Variants in DCDC1 observed in about 807,000 individuals in gnomAD.
DCDC1 encodes the protein doublecortin domain-containing protein 1.
In DCDC1, 200 loss-of-function variants were observed where a neutral mutation model predicts 178.3. The ratio of observed to expected loss-of-function variants is 1.12; its 90% CI spans 1.00 to 1.26. The LOEUF (loss-of-function observed/expected upper bound fraction) is 1.26. Among genes scored for constraint, DCDC1 ranks in the 50% most tolerant of loss-of-function variants. DCDC1 has a pLI of 0.00. For synonymous variants in DCDC1, 690 were observed against 604.8 expected, an observed-to-expected ratio of 1.14 and a Z score of -2.07; for missense variants, 1,983 against 1,749.2, an observed-to-expected ratio of 1.13 and a Z score of -2.38.
At chr11:31,222,813 C>T (rs1974430777) in intron 9 of DCDC1, among the ~76,000 whole-genome samples, 1 of 152,078 alleles carries the variant, frequency 6.6e-6, no homozygotes, top group Non-Finnish European at 1.5e-5. Flanking sequence ...CCCTTATGAC[C>T]TCATTTAACA....
chr11:31,303,613 T>G (rs1352293839), intron 6 of DCDC1, among the ~76,000 whole-genome samples: 1 of 152,162 alleles, frequency 6.6e-6, no homozygotes, highest in African/African-American at 2.4e-5. Flanking sequence ...AAGTTAAATA[T>G]TATCTTTCAT....
At position 30,903,674 on chromosome 11, in the gene DCDC1, C is replaced by T. The variant is rs772581174; in HGVS notation, c.4318G>A (p.Glu1440Lys). The part of the protein sequence containing the change: ...VAGTFPMLLT[E>K]CTEQLGLARA... The stretch of plus-strand genomic sequence containing the variant: ...GCAAGCCCAAGTTGTTCCGTGCATT[C>T]TGTAAGAAGCTAGATAACACAGGCA... The change falls in exon 32 of 39, where the codon GAA becomes AAA. Residue 1440 changes from glutamate to lysine, a missense_variant. Physicochemically the swap from Glu to Lys is moderately conservative, Grantham distance 56. Transcript: ENST00000684477. The T allele has an allele frequency of 6.3e-7, 1 of 1,598,454 alleles. No individual in the cohort carries two copies. Among genetic ancestry groups the T allele is most frequent in the Non-Finnish European group, 8.5e-7 (1 of 1,171,552 alleles).
intron 3 of DCDC1, among the ~76,000 whole-genome samples, chr11:31,326,357 C>T (rs755288177): frequency 1.4e-5 from 2 of 145,386 alleles, no homozygotes; most frequent in Non-Finnish European, 3.1e-5. Flanking sequence ...AGTGAAAATA[C>T]GTTTAGCTTT....
intron 20 of DCDC1, among the ~76,000 whole-genome samples, chr11:31,005,782 C>T (rs901203375): frequency 3.3e-5 from 5 of 151,694 alleles, no homozygotes; most frequent in African/African-American, 1.2e-4. Context: ...GATATAAATA[C>T]CTACAAAAAC....
chr11:31,329,099 C>T (rs1243947412), intron 2 of DCDC1, among the ~76,000 whole-genome samples: 1 of 151,718 alleles, frequency 6.6e-6, no homozygotes, highest in Non-Finnish European at 1.5e-5. Context: ...ATCAAAATGC[C>T]CTATTCTCCC....
At chr11:31,190,529 A>G (rs1313509038) in intron 9 of DCDC1, among the ~76,000 whole-genome samples, 1 of 152,132 alleles carries the variant, frequency 6.6e-6, no homozygotes, top group East Asian at 1.9e-4. Flanking sequence ...TTGTAATTGC[A>G]AACACTGCTA....
chr11:30,932,610 T>C (rs1947008204), intron 21 of DCDC1, among the ~76,000 whole-genome samples: 1 of 152,090 alleles, frequency 6.6e-6, no homozygotes, highest in Non-Finnish European at 1.5e-5. Flanking sequence ...TTATAGCAGG[T>C]CTTCAGAAAC....
intron 7 of DCDC1, among the ~76,000 whole-genome samples, chr11:31,274,128 C>T (rs938317148): frequency 4.6e-5 from 7 of 152,222 alleles, no homozygotes; most frequent in Admixed American, 4.6e-4. Context: ...TTTTCTCCTG[C>T]TTTCTTGTCT....
At chr11:31,206,234 T>A (rs1309140029) in intron 9 of DCDC1, among the ~76,000 whole-genome samples, 1 of 152,202 alleles carries the variant, frequency 6.6e-6, no homozygotes, top group Admixed American at 6.6e-5. Context: ...CTTTACACCC[T>A]TACCTCAAAG....
intron 32 of DCDC1, among the ~76,000 whole-genome samples, chr11:30,903,135 G>A (rs1313184138): frequency 1.3e-5 from 2 of 152,002 alleles, no homozygotes; most frequent in Non-Finnish European, 2.9e-5. Flanking sequence ...GTTTGGTTCT[G>A]AGTAAGAACA....
At chr11:31,020,727 G>A (rs290085) in intron 20 of DCDC1, among the ~76,000 whole-genome samples, 19,089 of 151,952 alleles carry the variant, frequency 0.13, 1,406 homozygotes, top group East Asian at 0.28. Context: ...ATGAGCCACC[G>A]CACTTCTCCT....
intron 6 of DCDC1, among the ~76,000 whole-genome samples, chr11:31,304,866 C>T (rs1948351782): frequency 1.3e-5 from 2 of 152,066 alleles, no homozygotes; most frequent in African/African-American, 4.8e-5. Context: ...TCATACATAG[C>T]ACTAGATACC....
intron 7 of DCDC1, among the ~76,000 whole-genome samples, chr11:31,272,258 T>A (rs1450298573): frequency 6.6e-6 from 1 of 151,472 alleles, no homozygotes; most frequent in Non-Finnish European, 1.5e-5. Context: ...TTACCTCCCA[T>A]CAGGTCCCTC....
intron 9 of DCDC1, among the ~76,000 whole-genome samples, chr11:31,146,279 T>TTTCA (rs1348962949): frequency 6.6e-6 from 1 of 151,922 alleles, no homozygotes; most frequent in Non-Finnish European, 1.5e-5. Context: ...AGAGATGGGG[T>TTTCA]TTCACCATGT....
intron 20 of DCDC1, among the ~76,000 whole-genome samples, chr11:31,053,028 G>A (rs1268549518): frequency 6.6e-6 from 1 of 151,874 alleles, no homozygotes; most frequent in African/African-American, 2.4e-5. Flanking sequence ...AATTACGAAA[G>A]ATAAATGAAA....
chr11:30,864,430 G>T lies in DCDC1; in HGVS notation c.*943C>A, dbSNP rs1940828626. ...AAGTGTTTCTTTCCTCTGAAAAGCA[G>T]AGAGGACTATCCCAGTATAACTCCA... is the stretch of plus-strand genomic sequence containing the variant. On this transcript the variant is annotated 3_prime_UTR_variant, in exon 39 of 39. Coordinates refer to ENST00000684477, the MANE Select transcript of DCDC1 (RefSeq NM_001387274.1). 6.6e-6 allele frequency: 1 copy of T among 152,252 alleles called. No individual in the cohort carries two copies. Among genetic ancestry groups the T allele is most frequent in the African/African-American group, 2.4e-5 (1 of 41,468 alleles). The allele number at this position is 152,252 out of a possible 1,614,324, so 9.4% of individuals were successfully genotyped here.
intron 7 of DCDC1, among the ~76,000 whole-genome samples, chr11:31,270,874 C>A (rs578089734): frequency 1.3e-5 from 2 of 152,150 alleles, no homozygotes; most frequent in South Asian, 4.1e-4. Context: ...TAACTCTGGG[C>A]GACCTTCACT....
At chr11:31,367,577 A>C (rs1284930327) in intron 1 of DCDC1, among the ~76,000 whole-genome samples, 1 of 152,236 alleles carries the variant, frequency 6.6e-6, no homozygotes, top group African/African-American at 2.4e-5. Flanking sequence ...TTTATTCTCT[A>C]GACCTGCCCT....
chr11:31,323,169 T>C (rs1949459346), intron 3 of DCDC1, among the ~76,000 whole-genome samples: 1 of 152,246 alleles, frequency 6.6e-6, no homozygotes, highest in African/African-American at 2.4e-5. Context: ...TTTAGATTTC[T>C]ATGGCATAAA....
Sources: allele counts gnomAD v4.1 joint callset (sites outside exome capture counted in the v4.1 genomes callset), GRCh38; gene constraint gnomAD v4.1.1; transcripts MANE v1.5; gene names NCBI Gene and HGNC (gene_info 2026-07-23, HGNC 2026-07-21).